DACH2: variants seen among roughly 807,000 people sequenced by gnomAD.
The protein encoded by DACH2 is dachshund homolog 2.
A neutral mutation model predicts 35.8 loss-of-function variants in DACH2; 17 were observed. That is an observed-to-expected ratio of 0.48 (90% CI 0.33 to 0.71). DACH2 has a LOEUF of 0.71. Ranked by LOEUF, DACH2 falls within the 30% of genes least tolerant of loss-of-function variation. The pLI is 0.02. For synonymous variants in DACH2, 195 were observed against 177.3 expected (o/e 1.10, Z -0.79); for missense variants, 469 against 472.7 (o/e 0.99, Z 0.07).
chrX:86,568,046 C>G (rs1161964034), intron 3 of DACH2, among the ~76,000 whole-genome samples: 2 of 110,896 alleles, frequency 1.8e-5, no homozygotes, highest in African/African-American at 6.5e-5. Flanking sequence ...GTGAAAGAAG[C>G]CAATCTAAAA....
intron 2 of DACH2, among the ~76,000 whole-genome samples, chrX:86,416,952 A>G (rs2036713666): frequency 9.2e-6 from 1 of 108,940 alleles, no homozygotes; most frequent in Non-Finnish European, 1.9e-5. Context: ...AAATTAGCCA[A>G]GTGTGGTCGT....
chrX:86,814,849 G>C lies in DACH2; in HGVS notation c.1684+15G>C. ...GATGTTAAAAGGTAATGTCTGATTT[G>C]GATTTTCACACTCAAGGTAAACAAA... On this transcript the variant is annotated intron_variant, in intron 10 of 11. Coordinates refer to ENST00000373125, the MANE Select transcript of DACH2 (RefSeq NM_053281.3). The C allele has an allele frequency of 8.4e-7, 1 of 1,189,600 alleles. No homozygotes were observed. Among genetic ancestry groups the C allele is most frequent in the Middle Eastern group, 2.4e-4 (1 of 4,232 alleles).
intron 3 of DACH2, among the ~76,000 whole-genome samples, chrX:86,568,735 G>A (rs1254920778): frequency 1.8e-5 from 2 of 111,078 alleles, no homozygotes; most frequent in African/African-American, 6.5e-5. Flanking sequence ...TGCACGAATG[G>A]GGCTGTGTAA....
At chrX:86,226,178 C>T (rs937340563) in intron 1 of DACH2, among the ~76,000 whole-genome samples, 1 of 111,268 alleles carries the variant, frequency 9.0e-6, no homozygotes, top group South Asian at 3.7e-4. Flanking sequence ...TTCCTGAGAA[C>T]GCTATAAAAA....
intron 3 of DACH2, among the ~76,000 whole-genome samples, chrX:86,606,729 T>C (rs941756298): frequency 3.6e-5 from 4 of 111,510 alleles, no homozygotes; most frequent in African/African-American, 1.3e-4. Context: ...ATAGTGCAGA[T>C]TAAAACTGAT....
intron 1 of DACH2, among the ~76,000 whole-genome samples, chrX:86,295,695 A>C (rs1437615537): frequency 9.0e-6 from 1 of 111,005 alleles, no homozygotes; most frequent in Non-Finnish European, 1.9e-5. Context: ...TTTTGTTGTA[A>C]GAGGGCAACA....
chrX:86,232,070 G>A (rs1301680276), intron 1 of DACH2, among the ~76,000 whole-genome samples: 2 of 111,928 alleles, frequency 1.8e-5, no homozygotes, highest in East Asian at 5.6e-4. Context: ...ATTCTTGAGG[G>A]TAGGCCTAGA....
At chrX:86,224,196 A>C (rs1369986014) in intron 1 of DACH2, among the ~76,000 whole-genome samples, 1 of 110,984 alleles carries the variant, frequency 9.0e-6, no homozygotes, top group Non-Finnish European at 1.9e-5. Context: ...ATGGGAGGAG[A>C]TATGCATATT....
intron 2 of DACH2, among the ~76,000 whole-genome samples, chrX:86,494,098 C>T (rs2038133130): frequency 9.0e-6 from 1 of 111,728 alleles, no homozygotes; most frequent in African/African-American, 3.3e-5. Context: ...TCTGGCCTGG[C>T]CATTGTTGAT....
At chrX:86,679,179 A>G (rs1303905091) in intron 4 of DACH2, among the ~76,000 whole-genome samples, 1 of 112,140 alleles carries the variant, frequency 8.9e-6, no homozygotes, top group Non-Finnish European at 1.9e-5. Flanking sequence ...GTAAGACTGT[A>G]TGAATTGAGT....
chrX:86,318,367 T>A (rs2034953216), intron 1 of DACH2, among the ~76,000 whole-genome samples: 1 of 111,697 alleles, frequency 9.0e-6, no homozygotes, highest in African/African-American at 3.3e-5. Context: ...ATCAGAAACC[T>A]GCATTTAAGA....
intron 3 of DACH2, among the ~76,000 whole-genome samples, chrX:86,649,718 C>CA (rs2040456283): frequency 9.0e-6 from 1 of 111,078 alleles, no homozygotes; most frequent in African/African-American, 3.3e-5. Context: ...TACAGAATGG[C>CA]AAAATAGAAC....
chrX:86,672,176 T>C (rs1041404019), intron 4 of DACH2, among the ~76,000 whole-genome samples: 1 of 112,083 alleles, frequency 8.9e-6, no homozygotes, highest in Non-Finnish European at 1.9e-5. Flanking sequence ...CCTATGCTCA[T>C]ATGTGTGAGC....
At chrX:86,808,042 G>A (rs1329308164) in intron 7 of DACH2, among the ~76,000 whole-genome samples, 1 of 111,514 alleles carries the variant, frequency 9.0e-6, no homozygotes, top group Non-Finnish European at 1.9e-5. Flanking sequence ...AGATTATTAA[G>A]GGTTCATTCC....
chrX:86,542,395 G>A (rs1290335507), intron 3 of DACH2, among the ~76,000 whole-genome samples: 1 of 111,221 alleles, frequency 9.0e-6, no homozygotes, highest in Non-Finnish European at 1.9e-5. Flanking sequence ...AGCCAAATTA[G>A]TTCTTGTGGG....
intron 3 of DACH2, among the ~76,000 whole-genome samples, chrX:86,624,549 G>A (rs1445977896): frequency 8.9e-6 from 1 of 111,778 alleles, no homozygotes; most frequent in Non-Finnish European, 1.9e-5. Context: ...CTTTGACTTT[G>A]GAAAGCTCAT....
At chrX:86,769,626 CT>C (rs1395065373) in intron 7 of DACH2, among the ~76,000 whole-genome samples, 1 of 111,570 alleles carries the variant, frequency 9.0e-6, no homozygotes, top group Non-Finnish European at 1.9e-5. Context: ...TTACTTTATA[CT>C]TTTTTTAAAT....
intron 1 of DACH2, among the ~76,000 whole-genome samples, chrX:86,280,877 G>A (rs1369759254): frequency 1.8e-5 from 2 of 111,724 alleles, no homozygotes; most frequent in African/African-American, 6.5e-5. Flanking sequence ...ATGGTAAAGG[G>A]ATCAATGCAA....
chrX:86,640,686 G>T (rs1277709851), intron 3 of DACH2, among the ~76,000 whole-genome samples: 8 of 111,095 alleles, frequency 7.2e-5, no homozygotes, highest in Non-Finnish European at 1.3e-4. Context: ...ACTCAAGGGG[G>T]AGAGGAAGCC....
Sources: gnomAD v4.1 joint callset for allele counts (sites outside exome capture counted in the v4.1 genomes callset) on GRCh38, gnomAD v4.1.1 for gene constraint, MANE v1.5 for transcripts, NCBI Gene and HGNC (gene_info 2026-07-23, HGNC 2026-07-21) for gene names.